The following ITPRID1 variants were observed in gnomAD, a reference collection of about 807,000 sequenced individuals.
The protein encoded by ITPRID1 is ITPR interacting domain containing 1.
ITPRID1 carries 96 observed loss-of-function variants against 95.4 expected under a neutral mutation model. The ratio of observed to expected loss-of-function variants is 1.01; its 90% CI spans 0.85 to 1.19. The LOEUF is 1.19. ITPRID1 is among the 50% of genes most tolerant of loss of function. The probability of loss-of-function intolerance (pLI) is 0.00; values close to 1 mark genes in which losing one functional copy is unlikely to be tolerated. For synonymous variants in ITPRID1, 510 were observed against 453.6 expected (o/e 1.12, Z -1.58); for missense variants, 1,339 against 1,252.9 (o/e 1.07, Z -1.04).
chr7:31,618,055 A>G (rs1377712760), intron 10 of ITPRID1, among the ~76,000 whole-genome samples: 1 of 152,180 alleles, frequency 6.6e-6, no homozygotes, highest in East Asian at 1.9e-4. Context: ...TAAAGAAGCC[A>G]AGAGATGACA....
Position 31,643,595 on chromosome 7 carries a change from C to G in ITPRID1, c.2225C>G (p.Pro742Arg). The G allele has an allele frequency of 6.2e-7, 1 of 1,614,022 alleles. No individual in the cohort carries two copies. Among genetic ancestry groups the G allele is most frequent in the Non-Finnish European group, 8.5e-7 (1 of 1,179,898 alleles). ...TCTTTAGAATGCACTGTGTGTGATC[C>G]TGTTACCGCAACAGAAACAAGACTG... ...GTSLECTVCDPVTATETRLGT... is the reference protein window; with the variant it reads ...GTSLECTVCDRVTATETRLGT... Residue 742 changes from proline (P) to arginine (R), a missense_variant, in exon 12 of 15, where the codon CCT becomes CGT. Transcript: ENST00000615280.
intron 10 of ITPRID1, among the ~76,000 whole-genome samples, chr7:31,600,463 T>C (rs1414298291): frequency 6.6e-6 from 1 of 152,232 alleles, no homozygotes; most frequent in Non-Finnish European, 1.5e-5. Flanking sequence ...ACACAACTGG[T>C]ATTTCATCAC....
intron 1 of ITPRID1, among the ~76,000 whole-genome samples, chr7:31,517,119 C>A (rs1159628182): frequency 6.6e-6 from 1 of 152,184 alleles, no homozygotes; most frequent in African/African-American, 2.4e-5. Context: ...ACAAAGCAAA[C>A]CTAGCAGATT....
rs1791000068 is a variant in ITPRID1, at chr7:31,651,975, C to A, written c.2748C>A (p.Ala916=). ...EAEQLQTLRE[A]LRQQVAELEF... is the part of the protein sequence containing the mutation. ...AGCAACTGCAAACGTTACGTGAGGC[C>A]CTGAGGCAGCAGGTGGCAGAGTTGG... Residue 916 remains alanine, a synonymous_variant, in exon 14 of 15, where the codon GCC becomes GCA. Transcript: ENST00000615280. 25 of 1,604,320 alleles carry A rather than the reference C, an allele frequency of 1.6e-5. No individual in the cohort carries two copies. The highest frequency in any genetic ancestry group is 2.1e-5 in the Non-Finnish European group (25 of 1,175,734).
At chr7:31,564,123 C>G (rs1481417116) in intron 5 of ITPRID1, among the ~76,000 whole-genome samples, 1 of 152,134 alleles carries the variant, frequency 6.6e-6, no homozygotes. Flanking sequence ...ATAAAAAATG[C>G]TTTCTAAGCC....
chr7:31,592,823 T>C (rs948435412), intron 10 of ITPRID1, among the ~76,000 whole-genome samples: 1 of 152,090 alleles, frequency 6.6e-6, no homozygotes, highest in African/African-American at 2.4e-5. Flanking sequence ...AAATAGTGTA[T>C]GGAAAAATTG....
chr7:31,610,912 CT>C (rs1279375509), intron 10 of ITPRID1, among the ~76,000 whole-genome samples: 1 of 151,256 alleles, frequency 6.6e-6, no homozygotes, highest in Admixed American at 6.6e-5. Context: ...TTTATCCATG[CT>C]GCCAATCTCT....
intron 10 of ITPRID1, among the ~76,000 whole-genome samples, chr7:31,601,104 T>C (rs1472345071): frequency 6.6e-6 from 1 of 152,224 alleles, no homozygotes; most frequent in East Asian, 1.9e-4. Flanking sequence ...CCTAGTCTCA[T>C]AGAATTTGTA....
intron 10 of ITPRID1, among the ~76,000 whole-genome samples, chr7:31,636,519 G>C (rs6943864): frequency 0.82 from 124,517 of 151,982 alleles, 51,451 homozygotes; most frequent in African/African-American, 0.93. Context: ...CAATAGGTTC[G>C]AAAGTCTGTC....
intron 9 of ITPRID1, among the ~76,000 whole-genome samples, 154 bp from the exon 10 acceptor site, chr7:31,582,980 C>G (rs540848012): frequency 1.3e-5 from 2 of 152,288 alleles, no homozygotes; most frequent in African/African-American, 4.8e-5. Flanking sequence ...CTTCATCATC[C>G]CCGGTACCTC....
intron 10 of ITPRID1, among the ~76,000 whole-genome samples, chr7:31,625,047 G>C (rs1286177095): frequency 6.6e-6 from 1 of 152,314 alleles, no homozygotes; most frequent in East Asian, 1.9e-4. Context: ...GGCCATCAGA[G>C]AAATGCAAAT....
At chr7:31,613,099 G>T (rs751997151) in intron 10 of ITPRID1, among the ~76,000 whole-genome samples, 1 of 152,110 alleles carries the variant, frequency 6.6e-6, no homozygotes, top group Non-Finnish European at 1.5e-5. Flanking sequence ...CTCCAGAAAT[G>T]GGACTTTTTG....
At chr7:31,556,889 C>G (rs1476894306) in intron 5 of ITPRID1, among the ~76,000 whole-genome samples, 1 of 151,822 alleles carries the variant, frequency 6.6e-6, no homozygotes, top group Non-Finnish European at 1.5e-5. Flanking sequence ...GTCTGGAAGC[C>G]CAAAATCAAG....
At chr7:31,618,655 A>G (rs1277270730) in intron 10 of ITPRID1, among the ~76,000 whole-genome samples, 1 of 140,454 alleles carries the variant, frequency 7.1e-6, no homozygotes, top group African/African-American at 3.2e-5. Context: ...GTAGAAACCC[A>G]TAATTATAGT....
chr7:31,574,511 G>C (rs536203644), intron 7 of ITPRID1, 29 bp from the exon 8 acceptor site: 2 of 1,600,366 alleles, frequency 1.2e-6, no homozygotes, highest in South Asian at 2.2e-5. Context: ...ACTGTTTCTG[G>C]ATAAAGATAT....
In ITPRID1 at chr7:31,585,834, CT is replaced by C. The variant is rs561345517; in HGVS notation, c.1228+2653del. Among the ~76,000 whole-genome samples the C allele has an allele frequency of 6.4e-3, 960 of 149,606 alleles. 6 individuals carry two copies. The highest frequency in any genetic ancestry group is 0.016 in the African/African-American group (659 of 40,840). On this transcript the variant is annotated intron_variant, in intron 10 of 14. Coordinates refer to ENST00000615280, the MANE Select transcript of ITPRID1 (RefSeq NM_001257967.3). Reference sequence around the variant, plus strand: ...ATGATTACAAAGAAGCATGACAAATCTTTTTTTTTTATTATTATTATACTTT... The same window carrying C: ...ATGATTACAAAGAAGCATGACAAATCTTTTTTTTTATTATTATTATACTTT...
At chr7:31,572,757 A>T (rs1785036357) in intron 7 of ITPRID1, among the ~76,000 whole-genome samples, 1 of 152,178 alleles carries the variant, frequency 6.6e-6, no homozygotes, top group Admixed American at 6.5e-5. Context: ...TTACTTAAAA[A>T]GTTAATGATA....
intron 10 of ITPRID1, among the ~76,000 whole-genome samples, chr7:31,587,590 A>T (rs1785673035): frequency 6.7e-6 from 1 of 150,174 alleles, no homozygotes; most frequent in African/African-American, 2.5e-5. Context: ...ATTCAATGCC[A>T]TCCCCATCAA....
downstream of ITPRID1, chr7:31,658,166 C>A (rs1476773643): frequency 2.7e-5 from 26 of 964,466 alleles, no homozygotes; most frequent in East Asian, 6.8e-4. Context: ...TATGCATAGG[C>A]CATGTAGATT....
Sources: allele counts gnomAD v4.1 joint callset (sites outside exome capture counted in the v4.1 genomes callset), GRCh38; gene constraint gnomAD v4.1.1; transcripts MANE v1.5; gene names NCBI Gene and HGNC (gene_info 2026-07-23, HGNC 2026-07-21).